SYT1: variants seen among roughly 807,000 people sequenced by gnomAD.
SYT1 encodes synaptotagmin 1.
In SYT1, 8 loss-of-function variants were observed where a neutral mutation model predicts 44.8. The ratio of observed to expected loss-of-function variants is 0.18; its 90% confidence interval spans 0.10 to 0.32. SYT1 has a LOEUF of 0.32. Among genes scored for constraint, SYT1 ranks in the 10% least tolerant of loss-of-function variants. The pLI is 1.00. For missense variants in SYT1, 286 were observed against 509.3 expected (o/e 0.56, Z 4.22); for synonymous variants, 154 against 188.8 (o/e 0.82, Z 1.51).
intron 4 of SYT1, among the ~76,000 whole-genome samples, chr12:79,272,514 G>A (rs1021682396): frequency 3.9e-5 from 6 of 152,176 alleles, no homozygotes; most frequent in African/African-American, 1.4e-4. Flanking sequence ...TTTTTCCAAT[G>A]GGGTAGGAAA....
At chr12:78,905,389 C>T (rs980066245) in intron 1 of SYT1, among the ~76,000 whole-genome samples, 2 of 151,918 alleles carry the variant, frequency 1.3e-5, no homozygotes, top group Admixed American at 6.6e-5. Context: ...GGAAACTCTC[C>T]CTATCCAAAT....
At chr12:79,276,379 A>AT (rs1167932442) in intron 4 of SYT1, among the ~76,000 whole-genome samples, 1 of 131,050 alleles carries the variant, frequency 7.6e-6, no homozygotes. Flanking sequence ...AAAAAACAAA[A>AT]CAAAAAAAAC....
At chr12:79,320,648 C>CTT (rs746685561) in intron 8 of SYT1, among the ~76,000 whole-genome samples, 1,542 of 128,638 alleles carry the variant, frequency 0.012, 30 homozygotes, top group African/African-American at 0.037. Flanking sequence ...TCTTTTTCCC[C>CTT]TTTTTTTTTT....
In SYT1 at chr12:79,125,222, T is replaced by G. The variant is rs369617465; in HGVS notation, c.-18+77860T>G. Among the ~76,000 whole-genome samples, 9 of 152,274 alleles carry G rather than the reference T, an allele frequency of 5.9e-5. 1 individual carries two copies. The highest frequency in any genetic ancestry group is 3.9e-4 in the East Asian group (2 of 5,184). ...AGAATGGGTAGAATCCATTAAAAAC[T>G]GTGCAAATGGAAAATAACGTACCTA... On this transcript the variant is annotated intron_variant, in intron 3 of 10. Transcript: ENST00000261205.
chr12:79,039,868 C>G (rs1188080686), intron 2 of SYT1, among the ~76,000 whole-genome samples: 1 of 138,862 alleles, frequency 7.2e-6, no homozygotes, highest in Non-Finnish European at 1.5e-5. Context: ...TGAGAATATG[C>G]GGTGTTTGGT....
At chr12:79,124,746 T>C (rs1478992925) in intron 3 of SYT1, among the ~76,000 whole-genome samples, 1 of 152,158 alleles carries the variant, frequency 6.6e-6, no homozygotes, top group Non-Finnish European at 1.5e-5. Context: ...ATTGTACATA[T>C]ACAACAATAT....
intron 9 of SYT1, among the ~76,000 whole-genome samples, chr12:79,361,816 A>G (rs1305137959): frequency 6.6e-6 from 1 of 152,216 alleles, no homozygotes; most frequent in Non-Finnish European, 1.5e-5. Flanking sequence ...AAGAGAGTCC[A>G]AGTTTAAGGG....
chr12:79,254,803 G>A (rs1877425025), intron 4 of SYT1, among the ~76,000 whole-genome samples: 1 of 152,136 alleles, frequency 6.6e-6, no homozygotes, highest in South Asian at 2.1e-4. Context: ...CAGTGGAGAA[G>A]TTAAATGCAG....
At chr12:79,175,705 A>G (rs1268267893) in intron 3 of SYT1, among the ~76,000 whole-genome samples, 1 of 151,994 alleles carries the variant, frequency 6.6e-6, no homozygotes, top group Non-Finnish European at 1.5e-5. Flanking sequence ...AGACAATTTC[A>G]TCATCTTATC....
rs1256032669 is a variant in SYT1, at chr12:78,941,045, CT to C, written c.-216-36745del. Among the ~76,000 whole-genome samples, 41 of 87,290 alleles carry C rather than the reference CT, an allele frequency of 4.7e-4. 1 individual carries two copies. Among genetic ancestry groups the C allele is most frequent in the Admixed American group, 1.6e-3 (13 of 8,286 alleles). 57.3% of individuals were successfully genotyped at this position (87,290 alleles called of 152,430 possible). On this transcript the variant is annotated intron_variant, in intron 1 of 10. Coordinates refer to ENST00000261205, the MANE Select transcript of SYT1 (RefSeq NM_005639.3). ...TCTTTTTTTCTTTTTCTTTTCTTTA[CT>C]TTTTTTTTCTTTTTTTTTCTTTTTT...
intron 8 of SYT1, among the ~76,000 whole-genome samples, chr12:79,320,639 C>CT (rs1881309949): frequency 7.1e-6 from 1 of 140,434 alleles, no homozygotes; most frequent in Admixed American, 7.1e-5. Flanking sequence ...ATCTTTTTTT[C>CT]TTTTTCCCCT....
chr12:79,239,956 G>T (rs553648045), intron 4 of SYT1, among the ~76,000 whole-genome samples: 1 of 152,300 alleles, frequency 6.6e-6, no homozygotes, highest in South Asian at 2.1e-4. Context: ...TGCTTTAAGG[G>T]CTTGCAACTG....
At chr12:79,153,810 C>T (rs1870425342) in intron 3 of SYT1, among the ~76,000 whole-genome samples, 1 of 151,902 alleles carries the variant, frequency 6.6e-6, no homozygotes, top group Non-Finnish European at 1.5e-5. Context: ...GTTTGTCTGC[C>T]CATGTATTCA....
At chr12:79,145,768 TG>T (rs1401700866) in intron 3 of SYT1, among the ~76,000 whole-genome samples, 26 of 148,424 alleles carry the variant, frequency 1.8e-4, no homozygotes, top group African/African-American at 6.5e-4. Context: ...TTTGTTTGTT[TG>T]TTTTTTGAGA....
At chr12:79,289,131 G>A (rs549931777) in intron 5 of SYT1, among the ~76,000 whole-genome samples, 1 of 152,288 alleles carries the variant, frequency 6.6e-6, no homozygotes, top group South Asian at 2.1e-4. Context: ...ATGTAACTGA[G>A]AATGAACAAA....
rs116531774 is a variant in SYT1 at position 78,903,402 on chromosome 12, C to T, written c.-217+38293C>T. Among the ~76,000 whole-genome samples, 1,283 of 152,034 alleles carry T rather than the reference C, an allele frequency of 8.4e-3. 23 individuals are homozygous for T. Among genetic ancestry groups the T allele is most frequent in the African/African-American group, 0.03 (1,237 of 41,486 alleles). On this transcript the variant is annotated intron_variant, in intron 1 of 10. Transcript: ENST00000261205. ...CTGGGTTCAAGCTATCGTCCTGCCT[C>T]AGCCTCCTGTGTAGCCTGGGATTAC... is the stretch of plus-strand genomic sequence containing the variant.
intron 9 of SYT1, among the ~76,000 whole-genome samples, chr12:79,390,821 A>G (rs1175886226): frequency 5.3e-5 from 8 of 152,154 alleles, no homozygotes; most frequent in African/African-American, 1.9e-4. Context: ...TTTATTACCA[A>G]TTCAATCCCA....
chr12:78,961,353 C>T (rs1026145316), intron 1 of SYT1, among the ~76,000 whole-genome samples: 1 of 152,050 alleles, frequency 6.6e-6, no homozygotes. Flanking sequence ...AAGTGATCCT[C>T]CCACCTCAGC....
intron 3 of SYT1, among the ~76,000 whole-genome samples, chr12:79,208,923 G>A (rs1874282262): frequency 6.6e-6 from 1 of 152,134 alleles, no homozygotes; most frequent in East Asian, 1.9e-4. Flanking sequence ...CTACACCTCT[G>A]AGGAAATTTT....
Sources: gnomAD v4.1 joint callset for allele counts (sites outside exome capture counted in the v4.1 genomes callset) on GRCh38, gnomAD v4.1.1 for gene constraint, MANE v1.5 for transcripts, NCBI Gene and HGNC (gene_info 2026-07-23, HGNC 2026-07-21) for gene names.